SLC25A13: variants seen among roughly 807,000 people sequenced by gnomAD.
SLC25A13 encodes electrogenic aspartate/glutamate antiporter SLC25A13, mitochondrial.
A neutral mutation model predicts 85.5 loss-of-function variants in SLC25A13; 70 were observed. That is an observed-to-expected ratio of 0.82 (90% CI 0.68 to 1.00). The LOEUF is 1.00. Ranked by LOEUF, SLC25A13 falls within the 50% of genes least tolerant of loss-of-function variation. The pLI, the probability that SLC25A13 is intolerant of heterozygous loss-of-function variation, is 0.00. For missense variants in SLC25A13, 765 were observed against 819.8 expected (o/e 0.93, Z 0.82); for synonymous variants, 259 against 288.7 (o/e 0.90, Z 1.04).
intron 15 of SLC25A13, among the ~76,000 whole-genome samples, chr7:96,125,319 T>A (rs1054941703): frequency 2.0e-5 from 3 of 152,192 alleles, no homozygotes; most frequent in African/African-American, 7.2e-5. Context: ...CTCGAACTCC[T>A]GACCTCAGGT....
intron 2 of SLC25A13, among the ~76,000 whole-genome samples, chr7:96,294,010 G>A (rs1216883729): frequency 2.0e-5 from 3 of 152,158 alleles, no homozygotes; most frequent in Non-Finnish European, 4.4e-5. Context: ...ATTCACAATA[G>A]CAAAGACTTG....
At chr7:96,302,116 A>G (rs1204492055) in intron 1 of SLC25A13, among the ~76,000 whole-genome samples, 2 of 152,252 alleles carry the variant, frequency 1.3e-5, no homozygotes, top group African/African-American at 2.4e-5. Context: ...ACTGGTTATA[A>G]TTGTGTAAGT....
chr7:96,124,610 C>T (rs960820517), intron 15 of SLC25A13, among the ~76,000 whole-genome samples: 1 of 152,166 alleles, frequency 6.6e-6, no homozygotes, highest in Non-Finnish European at 1.5e-5. Flanking sequence ...TTGCCTGGTA[C>T]ATATTTTTCA....
chr7:96,135,172 A>G (rs1156718015), intron 14 of SLC25A13, among the ~76,000 whole-genome samples: 2 of 152,184 alleles, frequency 1.3e-5, no homozygotes, highest in Admixed American at 6.5e-5. Context: ...TATGTGTGAA[A>G]GTCCTTGTAA....
intron 5 of SLC25A13, among the ~76,000 whole-genome samples, chr7:96,200,550 C>T (rs1158115876): frequency 1.3e-5 from 2 of 151,816 alleles, no homozygotes; most frequent in African/African-American, 4.8e-5. Context: ...TCCCCCCACC[C>T]CCCATTTGGC....
At chr7:96,133,865 G>C (rs952732445) in intron 14 of SLC25A13, among the ~76,000 whole-genome samples, 1 of 151,816 alleles carries the variant, frequency 6.6e-6, no homozygotes, top group Non-Finnish European at 1.5e-5. Flanking sequence ...AGGTTGTAGT[G>C]AGCTGAGATC....
chr7:96,148,985 T>C (rs1323313969), intron 13 of SLC25A13, among the ~76,000 whole-genome samples: 1 of 152,234 alleles, frequency 6.6e-6, no homozygotes, highest in Non-Finnish European at 1.5e-5. Flanking sequence ...GCTGATGTTT[T>C]CCTCCATAGA....
chr7:96,289,544 C>G (rs1799031376), intron 2 of SLC25A13, among the ~76,000 whole-genome samples: 1 of 152,042 alleles, frequency 6.6e-6, no homozygotes, highest in African/African-American at 2.4e-5. Context: ...CTAAAATAAC[C>G]AGCGTAGAGA....
At chr7:96,157,616 T>C (rs4729238) in intron 13 of SLC25A13, among the ~76,000 whole-genome samples, 74,857 of 151,982 alleles carry the variant, frequency 0.49, 19,649 homozygotes, top group African/African-American at 0.69. Context: ...CCAGCCTGGC[T>C]GACACGGCAA....
intron 3 of SLC25A13, among the ~76,000 whole-genome samples, chr7:96,245,569 A>T (rs181522497): frequency 6.6e-6 from 1 of 152,374 alleles, no homozygotes; most frequent in East Asian, 1.9e-4. Flanking sequence ...TTATTATACT[A>T]CATTGTTCCT....
chr7:96,297,055 A>T, intron 1 of SLC25A13, 104 bp from the exon 2 acceptor site: 2 of 1,049,662 alleles, frequency 1.9e-6, no homozygotes, highest in Non-Finnish European at 3.0e-6. Context: ...AGTGCATTTC[A>T]TTTTTGTACT....
At position 96,290,883 on chromosome 7, in the gene SLC25A13, T is replaced by C. The variant is rs910082234; in HGVS notation, c.69+6015A>G. Among the ~76,000 whole-genome samples, 32 of 152,016 alleles carry C rather than the reference T, an allele frequency of 2.1e-4. 1 individual carries two copies. Among genetic ancestry groups the C allele is most frequent in the African/African-American group, 4.8e-5 (2 of 41,386 alleles). ...TAGACAGATCAACGAGACAGAAAGT[T>C]AACAAGGATATCCAGGAATTGAACT... On this transcript the variant is annotated intron_variant, in intron 2 of 17. Transcript: ENST00000265631.
intron 4 of SLC25A13, among the ~76,000 whole-genome samples, chr7:96,227,311 C>T (rs1037698737): frequency 3.9e-5 from 6 of 152,016 alleles, no homozygotes; most frequent in African/African-American, 1.4e-4. Flanking sequence ...ATTAAATAAA[C>T]TTTTATTTAA....
At chr7:96,124,858 C>T (rs527936991) in intron 15 of SLC25A13, among the ~76,000 whole-genome samples, 1 of 152,292 alleles carries the variant, frequency 6.6e-6, no homozygotes, top group Non-Finnish European at 1.5e-5. Flanking sequence ...ACGTTACATG[C>T]ATTTGTTATA....
At chr7:96,179,825 C>A (rs1408238078) in intron 11 of SLC25A13, among the ~76,000 whole-genome samples, 1 of 152,140 alleles carries the variant, frequency 6.6e-6, no homozygotes, top group South Asian at 2.1e-4. Context: ...GCAAAACAGT[C>A]ATGGAAATTT....
chr7:96,252,927 C>G (rs1423283606), intron 3 of SLC25A13, among the ~76,000 whole-genome samples: 2 of 152,090 alleles, frequency 1.3e-5, no homozygotes, highest in Non-Finnish European at 1.5e-5. Context: ...AACCCTGTCT[C>G]TACTAAAAAT....
intron 3 of SLC25A13, among the ~76,000 whole-genome samples, chr7:96,239,104 T>G (rs1796867151): frequency 6.8e-6 from 1 of 147,354 alleles, no homozygotes. Context: ...TCTGGCAATG[T>G]TAATGTTTCA....
intron 5 of SLC25A13, among the ~76,000 whole-genome samples, chr7:96,207,626 A>G (rs887174121): frequency 6.6e-6 from 1 of 152,244 alleles, no homozygotes; most frequent in Non-Finnish European, 1.5e-5. Flanking sequence ...AAGCAAATGC[A>G]TAAACATCTA....
chr7:96,252,589 A>G (rs1797474367), intron 3 of SLC25A13, among the ~76,000 whole-genome samples: 2 of 152,170 alleles, frequency 1.3e-5, no homozygotes, highest in African/African-American at 4.8e-5. Context: ...AGTAGTTAGG[A>G]AAAACTAGAG....
Sources: allele counts gnomAD v4.1 joint callset (sites outside exome capture counted in the v4.1 genomes callset), GRCh38; gene constraint gnomAD v4.1.1; transcripts MANE v1.5; gene names NCBI Gene and HGNC (gene_info 2026-07-23, HGNC 2026-07-21).